The following ADGRB3 variants were observed in gnomAD, a reference collection of about 807,000 sequenced individuals.
ADGRB3 encodes the protein brain-specific angiogenesis inhibitor 3.
In ADGRB3, 37 loss-of-function variants were observed where a neutral mutation model predicts 193.4. That is an observed-to-expected ratio of 0.19 (90% CI 0.15 to 0.25). The LOEUF (loss-of-function observed/expected upper bound fraction) is 0.25. Among genes scored for constraint, ADGRB3 ranks in the 10% least tolerant of loss-of-function variants. The pLI is 1.00. For missense variants in ADGRB3, 1,637 were observed against 1,852.9 expected (o/e 0.88, Z 2.14); for synonymous variants, 690 against 644.2 (o/e 1.07, Z -1.08).
chr6:69,332,721 A>G, intron 23 of ADGRB3: 2 of 985,456 alleles, frequency 2.0e-6, no homozygotes, highest in South Asian at 4.7e-5. Context: ...AATGAACTTA[A>G]TGTACTTTAC....
At chr6:68,899,906 G>A (rs918797265) in intron 3 of ADGRB3, among the ~76,000 whole-genome samples, 2 of 151,982 alleles carry the variant, frequency 1.3e-5, no homozygotes, top group African/African-American at 4.8e-5. Context: ...GAACTCTAAT[G>A]AATTCATATT....
chr6:69,347,447 T>C (rs965359247), intron 26 of ADGRB3, among the ~76,000 whole-genome samples: 1 of 152,112 alleles, frequency 6.6e-6, no homozygotes, highest in Non-Finnish European at 1.5e-5. Context: ...AAGAAACACA[T>C]TTCAGATTTT....
At chr6:69,271,214 G>A (rs1767168169) in intron 20 of ADGRB3, among the ~76,000 whole-genome samples, 1 of 152,142 alleles carries the variant, frequency 6.6e-6, no homozygotes, top group African/African-American at 2.4e-5. Flanking sequence ...TTTTCAGGAT[G>A]GTGGTTACCA....
At chr6:69,309,145 CAG>C (rs2127299590) in intron 20 of ADGRB3, among the ~76,000 whole-genome samples, 1 of 151,788 alleles carries the variant, frequency 6.6e-6, no homozygotes, top group South Asian at 2.1e-4. Flanking sequence ...TTATTTATAA[CAG>C]AGTTATTTTC....
At chr6:68,876,293 C>A (rs1765591973) in intron 3 of ADGRB3, among the ~76,000 whole-genome samples, 2 of 151,970 alleles carry the variant, frequency 1.3e-5, no homozygotes, top group Admixed American at 6.6e-5. Context: ...ATAGATGGAG[C>A]CTTCTTTCTA....
intron 17 of ADGRB3, among the ~76,000 whole-genome samples, chr6:69,109,684 TA>T (rs34160307): frequency 0.14 from 21,635 of 152,144 alleles, 1,706 homozygotes; most frequent in Middle Eastern, 0.16. Context: ...GCCTCTATTC[TA>T]ACCCTCTATA....
intron 17 of ADGRB3, among the ~76,000 whole-genome samples, chr6:69,199,593 GCC>G (rs1765376550): frequency 6.6e-6 from 1 of 152,060 alleles, no homozygotes; most frequent in Admixed American, 6.6e-5. Flanking sequence ...GTTGGGATTA[GCC>G]ACTTTCTGAG....
chr6:69,357,386 A>G (rs972859274), intron 28 of ADGRB3, among the ~76,000 whole-genome samples: 12 of 152,060 alleles, frequency 7.9e-5, no homozygotes, highest in African/African-American at 2.9e-4. Flanking sequence ...AGTTATGTCT[A>G]TTTGCTATTA....
At chr6:68,883,726 T>C (rs1562070394) in intron 3 of ADGRB3, among the ~76,000 whole-genome samples, 1 of 152,014 alleles carries the variant, frequency 6.6e-6, no homozygotes, top group African/African-American at 2.4e-5. Context: ...CTGAACATGT[T>C]TGAACATGAG....
At chr6:68,818,856 A>G (rs1045295071) in intron 3 of ADGRB3, among the ~76,000 whole-genome samples, 2 of 152,126 alleles carry the variant, frequency 1.3e-5, no homozygotes, top group African/African-American at 4.8e-5. Context: ...TTTCAAATTC[A>G]GAAAGAAAAG....
chr6:68,691,586 AC>A (rs991484861), intron 3 of ADGRB3, among the ~76,000 whole-genome samples: 1 of 152,036 alleles, frequency 6.6e-6, no homozygotes, highest in Admixed American at 6.6e-5. Context: ...AAATGCATTG[AC>A]TTTTGTTGTC....
At chr6:69,086,058 G>T (rs1440919391) in intron 17 of ADGRB3, among the ~76,000 whole-genome samples, 1 of 151,748 alleles carries the variant, frequency 6.6e-6, no homozygotes, top group Non-Finnish European at 1.5e-5. Flanking sequence ...ATACTTGAGG[G>T]TTGTAAATCA....
chr6:69,054,943 C>A (rs938667003), intron 15 of ADGRB3, among the ~76,000 whole-genome samples: 2 of 152,102 alleles, frequency 1.3e-5, no homozygotes, highest in Non-Finnish European at 2.9e-5. Context: ...TTGGTCTATT[C>A]ACTTAAAACA....
At chr6:69,249,656 A>G (rs1018927974) in intron 20 of ADGRB3, among the ~76,000 whole-genome samples, 2 of 152,096 alleles carry the variant, frequency 1.3e-5, no homozygotes, top group Non-Finnish European at 1.5e-5. Flanking sequence ...CTCTACCTCT[A>G]TCCTATCTCA....
At chr6:68,992,129 A>T (rs1769255831) in intron 10 of ADGRB3, among the ~76,000 whole-genome samples, 1 of 152,200 alleles carries the variant, frequency 6.6e-6, no homozygotes, top group Admixed American at 6.5e-5. Context: ...CTGTGATAAA[A>T]GTCATGTCTG....
chr6:69,288,640 A>G (rs6455312), intron 20 of ADGRB3, among the ~76,000 whole-genome samples: 65,815 of 152,060 alleles, frequency 0.43, 16,085 homozygotes, highest in African/African-American at 0.65. Flanking sequence ...CAATCCAATC[A>G]CAATTCTTGC....
intron 20 of ADGRB3, among the ~76,000 whole-genome samples, chr6:69,267,461 G>A (rs927086315): frequency 6.6e-6 from 1 of 152,106 alleles, no homozygotes; most frequent in Non-Finnish European, 1.5e-5. Context: ...CAAAAGTACT[G>A]AGCTAGCATT....
At chr6:69,043,290 G>GAAAGAAAGAAAGAAAGAAAGAA (rs1554252052) in intron 13 of ADGRB3, among the ~76,000 whole-genome samples, 2 of 88,032 alleles carry the variant, frequency 2.3e-5, no homozygotes, top group Non-Finnish European at 4.7e-5. Flanking sequence ...GGAAGAAAGA[G>GAAAGAAAGAAAGAAAGAAAGAA]AGAAAGAAAG....
chr6:69,074,378 G>C (rs929949352), intron 16 of ADGRB3, among the ~76,000 whole-genome samples: 3 of 152,068 alleles, frequency 2.0e-5, no homozygotes, highest in African/African-American at 7.2e-5. Flanking sequence ...CTCCAAAAGA[G>C]CTTCTCTGGA....
Sources: gnomAD v4.1 joint callset for allele counts (sites outside exome capture counted in the v4.1 genomes callset) on GRCh38, gnomAD v4.1.1 for gene constraint, MANE v1.5 for transcripts, NCBI Gene and HGNC (gene_info 2026-07-23, HGNC 2026-07-21) for gene names.